The following MPP7 variants were observed in gnomAD, a reference collection of about 807,000 sequenced individuals.
MPP7 encodes MAGUK p55 subfamily member 7.
MPP7 carries 60 observed loss-of-function variants against 76.5 expected under a neutral mutation model. The observed-to-expected ratio is 0.78, with a 90% CI of 0.64 to 0.97. The LOEUF (loss-of-function observed/expected upper bound fraction) is 0.97. Ranked by LOEUF, MPP7 falls within the 50% of genes least tolerant of loss-of-function variation. The pLI, the probability that MPP7 is intolerant of heterozygous loss-of-function variation, is 0.00. For synonymous variants in MPP7, 237 were observed against 244.5 expected, an observed-to-expected ratio of 0.97 and a Z score of 0.29; for missense variants, 641 against 694.0, an observed-to-expected ratio of 0.92 and a Z score of 0.86.
intron 1 of MPP7, among the ~76,000 whole-genome samples, chr10:28,258,865 A>G (rs1416309734): frequency 1.3e-5 from 2 of 152,158 alleles, no homozygotes; most frequent in Non-Finnish European, 2.9e-5. Context: ...AGTGGGAGAG[A>G]GAGCTCTCCA....
At chr10:28,231,518 G>A (rs1838882390) in intron 2 of MPP7, among the ~76,000 whole-genome samples, 1 of 150,794 alleles carries the variant, frequency 6.6e-6, no homozygotes, top group Non-Finnish European at 1.5e-5. Flanking sequence ...GAGAGAGGAA[G>A]AGAGTGCGAA....
chr10:28,245,409 G>A (rs754080689), intron 1 of MPP7, among the ~76,000 whole-genome samples: 2 of 151,976 alleles, frequency 1.3e-5, no homozygotes, highest in Non-Finnish European at 2.9e-5. Context: ...CCTAAAAACT[G>A]AATAATGATC....
At chr10:28,214,156 T>C (rs1233184890) in intron 2 of MPP7, among the ~76,000 whole-genome samples, 1 of 152,228 alleles carries the variant, frequency 6.6e-6, no homozygotes, top group Non-Finnish European at 1.5e-5. Flanking sequence ...AATTGCATTT[T>C]TATGTAATAA....
intron 6 of MPP7, among the ~76,000 whole-genome samples, chr10:28,131,139 T>A (rs1327390400): frequency 6.6e-6 from 1 of 152,236 alleles, no homozygotes; most frequent in African/African-American, 2.4e-5. Context: ...AGAAATTAGA[T>A]GTTTACTTCA....
chr10:28,277,947 T>G lies in MPP7; in HGVS notation c.-132+24914A>C, dbSNP rs201695820. 7.9e-5 allele frequency among the ~76,000 whole-genome samples: 12 copies of G among 152,180 alleles called. No homozygotes were observed. In the East Asian group the frequency reaches 2.3e-3, roughly 29 times the overall value. On this transcript the variant is annotated intron_variant, in intron 1 of 16. Transcript: ENST00000683449. Reference sequence around the variant, plus strand: ...ATGAAAAAGTGGACGTATTTTTCCATTTTTGATCTTTTGAGTGACATGAAG... The same window carrying G: ...ATGAAAAAGTGGACGTATTTTTCCAGTTTTGATCTTTTGAGTGACATGAAG...
At chr10:28,275,338 G>A (rs1390153573) in intron 1 of MPP7, among the ~76,000 whole-genome samples, 2 of 151,788 alleles carry the variant, frequency 1.3e-5, no homozygotes, top group Non-Finnish European at 2.9e-5. Context: ...TCTTAGATGT[G>A]CTGTTGAGTC....
chr10:28,115,471 GTTTGACAATGT>G (rs1380982684), intron 11 of MPP7, among the ~76,000 whole-genome samples: 2 of 152,120 alleles, frequency 1.3e-5, no homozygotes, highest in Non-Finnish European at 2.9e-5. Flanking sequence ...TTAAGAAAAT[GTTTGACAATGT>G]TTTAGACATA....
At chr10:28,181,006 C>T (rs751580713) in intron 3 of MPP7, among the ~76,000 whole-genome samples, 4 of 152,016 alleles carry the variant, frequency 2.6e-5, no homozygotes, top group Non-Finnish European at 4.4e-5. Flanking sequence ...ATGGATGGAC[C>T]CATGGGTGGG....
At chr10:28,091,763 TTGAG>T (rs1255939515) in intron 11 of MPP7, among the ~76,000 whole-genome samples, 2 of 152,218 alleles carry the variant, frequency 1.3e-5, no homozygotes, top group African/African-American at 4.8e-5. Context: ...TGAACATGTA[TTGAG>T]TGTTATTTCA....
Position 28,275,532 on chromosome 10 carries a change from G to A in MPP7, c.-132+27329C>T, listed in dbSNP as rs140627442. Among the ~76,000 whole-genome samples, 1,470 of 151,150 alleles carry A rather than the reference G, an allele frequency of 9.7e-3. 10 individuals carry two copies. Among genetic ancestry groups the A allele is most frequent in the African/African-American group, 0.012 (492 of 41,158 alleles). On this transcript the variant is annotated intron_variant, in intron 1 of 16. Coordinates refer to ENST00000683449, the MANE Select transcript of MPP7 (RefSeq NM_001318170.2). ...AGCAATTCTCCTGCCTCAGCCTCCCGAGTAGCTGGGATTACAGGCACGCAC... is the reference window on the plus strand; with the variant it reads ...AGCAATTCTCCTGCCTCAGCCTCCCAAGTAGCTGGGATTACAGGCACGCAC...
chr10:28,310,214 C>T lies in MPP7; in HGVS notation c.-132+19715G>A, dbSNP rs1841282257. ...ACGGGGTTTCACCATGTTGGCCAGG[C>T]TGGTCTCGAACTCCTGGCCTCAGGT... On this transcript the variant is annotated intron_variant, in intron 2 of 11. Transcript: ENST00000441595. Among the ~76,000 whole-genome samples the T allele has an allele frequency of 2.0e-5, 3 of 152,080 alleles. No homozygotes were observed. In the East Asian group the frequency reaches 5.8e-4, roughly 29 times the overall value.
Position 28,101,331 on chromosome 10 carries a change from T to G in MPP7, c.953-11490A>C, listed in dbSNP as rs1301937431. On this transcript the variant is annotated intron_variant, in intron 11 of 16. Coordinates refer to ENST00000683449, the MANE Select transcript of MPP7 (RefSeq NM_001318170.2). ...GCATGACATTCTTTAATAAAATGATTGAATATTGAATAAATGGAATATTTA... is the reference window on the plus strand; with the variant it reads ...GCATGACATTCTTTAATAAAATGATGGAATATTGAATAAATGGAATATTTA... Among the ~76,000 whole-genome samples, 4 of 152,294 alleles carry G rather than the reference T, an allele frequency of 2.6e-5. No individual in the cohort carries two copies. In the East Asian group the frequency reaches 7.7e-4, roughly 29 times the overall value.
At chr10:28,130,962 A>G (rs1835171699) in intron 6 of MPP7, among the ~76,000 whole-genome samples, 1 of 152,144 alleles carries the variant, frequency 6.6e-6, no homozygotes, top group African/African-American at 2.4e-5. Flanking sequence ...AATAGCTAAC[A>G]AATAATTTTG....
intron 1 of MPP7, among the ~76,000 whole-genome samples, chr10:28,275,026 G>A (rs371310375): frequency 5.9e-5 from 9 of 152,130 alleles, no homozygotes; most frequent in East Asian, 3.9e-4. Context: ...TGATGAAATC[G>A]GCTTAAATGT....
intron 3 of MPP7, among the ~76,000 whole-genome samples, chr10:28,177,218 C>T (rs1836898236): frequency 7.0e-6 from 1 of 142,378 alleles, no homozygotes. Flanking sequence ...AGTTCGAGAC[C>T]AGCCTGGCCA....
intron 2 of MPP7, among the ~76,000 whole-genome samples, chr10:28,312,671 G>T (rs956742710): frequency 1.3e-5 from 2 of 152,150 alleles, no homozygotes; most frequent in East Asian, 1.9e-4. Flanking sequence ...TGATGGAAAC[G>T]TTGAGAAAAA....
intron 1 of MPP7, among the ~76,000 whole-genome samples, chr10:28,296,646 A>G (rs1841043149): frequency 6.6e-6 from 1 of 152,244 alleles, no homozygotes; most frequent in African/African-American, 2.4e-5. Flanking sequence ...AAGCCTGACA[A>G]ATAGCTCCTA....
At chr10:28,230,003 C>T (rs1322259765) in intron 2 of MPP7, among the ~76,000 whole-genome samples, 1 of 151,820 alleles carries the variant, frequency 6.6e-6, no homozygotes, top group East Asian at 1.9e-4. Context: ...AAGTTGGGAA[C>T]ATATGAAGTA....
chr10:28,162,451 G>T (rs899402132), intron 3 of MPP7, among the ~76,000 whole-genome samples: 6 of 152,064 alleles, frequency 3.9e-5, no homozygotes, highest in African/African-American at 1.4e-4. Context: ...ACTATGAAAA[G>T]TCTATCTGAA....
Sources: allele counts gnomAD v4.1 joint callset (sites outside exome capture counted in the v4.1 genomes callset), GRCh38; gene constraint gnomAD v4.1.1; transcripts MANE v1.5; gene names NCBI Gene and HGNC (gene_info 2026-07-23, HGNC 2026-07-21).